Variants in TJP2 observed in about 807,000 individuals in gnomAD.
TJP2 encodes Friedreich ataxia region gene X104 (tight junction protein ZO-2).
TJP2 carries 91 observed loss-of-function variants against 133.1 expected under a neutral mutation model. The ratio of observed to expected loss-of-function variants is 0.68; its 90% CI spans 0.58 to 0.81. The LOEUF is 0.81. Among genes scored for constraint, TJP2 ranks in the 40% least tolerant of loss-of-function variants. The probability of loss-of-function intolerance (pLI) is 0.00; values close to 1 mark genes in which losing one functional copy is unlikely to be tolerated. For missense variants in TJP2, 1,541 were observed against 1,565.6 expected, an observed-to-expected ratio of 0.98 and a Z score of 0.26; for synonymous variants, 592 against 583.4, an observed-to-expected ratio of 1.01 and a Z score of -0.21.
In TJP2 at chr9:69,125,891, T is replaced by C. The variant is rs944738517; in HGVS notation, c.-131+4166T>C. Among the ~76,000 whole-genome samples the C allele has an allele frequency of 2.6e-5, 2 of 77,398 alleles. 1 individual carries two copies. The highest frequency in any genetic ancestry group is 7.9e-5 in the African/African-American group (2 of 25,300). The allele number at this position is 77,398 out of a possible 152,430, so 50.8% of individuals were successfully genotyped here. A position where few individuals can be genotyped will look rare whatever the true frequency, so the allele number is the denominator to read the frequency against. ...CTGGTCTCCATAGGAGATATCAAGG[T>C]ACTGGACTAGTATTTGATTTAGCAT... On this transcript the variant is annotated intron_variant, in intron 1 of 5. Coordinates refer to the TJP2 transcript ENST00000423935.
intron 1 of TJP2, among the ~76,000 whole-genome samples, chr9:69,192,792 T>G (rs1265574151): frequency 2.0e-5 from 3 of 152,104 alleles, no homozygotes; most frequent in Non-Finnish European, 1.5e-5. Context: ...TATTCATTCC[T>G]CACAGTGACA....
chr9:69,177,078 G>T (rs1013909953), intron 1 of TJP2, among the ~76,000 whole-genome samples: 1 of 152,116 alleles, frequency 6.6e-6, no homozygotes, highest in East Asian at 1.9e-4. Flanking sequence ...TCTCTAGAAC[G>T]AATCCCATTA....
chr9:69,239,371 T>A (rs1432192484), intron 16 of TJP2, among the ~76,000 whole-genome samples: 1 of 152,166 alleles, frequency 6.6e-6, no homozygotes, highest in East Asian at 1.9e-4. Flanking sequence ...CCAGTCACTG[T>A]TACTGTTCTC....
chr9:69,151,253 G>A (rs931582040), intron 1 of TJP2, among the ~76,000 whole-genome samples: 3 of 152,088 alleles, frequency 2.0e-5, no homozygotes, highest in South Asian at 2.1e-4. Context: ...AAGTCGAGGT[G>A]GGTGGATCAC....
Position 69,248,987 on chromosome 9 carries a change from A to T in TJP2, c.2881-388A>T, listed in dbSNP as rs1489237380. On this transcript the variant is annotated intron_variant, in intron 19 of 22. Transcript: ENST00000377245. ...AGAACTACCAAAAAAAAAAAAAAAA[A>T]AAAGTTCAACAACAACAAACTGAAG... The T allele has an allele frequency of 3.0e-6, 3 of 993,204 alleles. No homozygotes were observed. The African/African-American group carries it at 5.2e-5, about 17-fold the overall frequency. The allele number at this position is 993,204 out of a possible 1,614,324, so 61.5% of individuals were successfully genotyped here. A position where few individuals can be genotyped will look rare whatever the true frequency, so the allele number is the denominator to read the frequency against.
At chr9:69,191,456 A>G (rs1826198020) in intron 1 of TJP2, among the ~76,000 whole-genome samples, 1 of 152,226 alleles carries the variant, frequency 6.6e-6, no homozygotes, top group Admixed American at 6.5e-5. Flanking sequence ...GAGTAACAAT[A>G]AAGTGCTGGT....
intron 1 of TJP2, chr9:69,204,852 A>G: frequency 8.9e-7 from 1 of 1,124,366 alleles, no homozygotes; most frequent in Non-Finnish European, 1.1e-6. Context: ...TAGATGCTGA[A>G]TCATTTTATG....
At chr9:69,138,176 G>C (rs73447199) in intron 1 of TJP2, among the ~76,000 whole-genome samples, 113 of 152,216 alleles carry the variant, frequency 7.4e-4, no homozygotes, top group African/African-American at 2.6e-3. Flanking sequence ...TCCATACCCA[G>C]ACCCTCCATG....
intron 1 of TJP2, among the ~76,000 whole-genome samples, chr9:69,177,336 A>G (rs1188118447): frequency 2.0e-5 from 3 of 152,194 alleles, no homozygotes; most frequent in Admixed American, 6.5e-5. Context: ...CCTAAATCCA[A>G]GGGTTAGGGT....
intron 2 of TJP2, among the ~76,000 whole-genome samples, chr9:69,166,675 A>T (rs1824374393): frequency 6.7e-6 from 1 of 148,862 alleles, no homozygotes. Context: ...GGGTTTCACC[A>T]TGTTGGCCAG....
At chr9:69,238,986 G>C (rs1378018433) in intron 16 of TJP2, among the ~76,000 whole-genome samples, 197 bp downstream of exon 16, 1 of 151,916 alleles carries the variant, frequency 6.6e-6, no homozygotes, top group African/African-American at 2.4e-5. Flanking sequence ...TCAGGAGTTC[G>C]AGACCAGCCT....
In TJP2 at chr9:69,249,500, A is replaced by C; in HGVS notation, c.2991+15A>C. On this transcript the variant is annotated intron_variant, in intron 20 of 22. Coordinates refer to ENST00000377245, the MANE Select transcript of TJP2 (RefSeq NM_004817.4). ...AGCCGCCCAAGGTACGTGGCTGGGAAGCCCAGGATGGGAAGGAAGAGGAAG... is the reference window on the plus strand; with the variant it reads ...AGCCGCCCAAGGTACGTGGCTGGGACGCCCAGGATGGGAAGGAAGAGGAAG... The C allele has an allele frequency of 6.3e-7, 1 of 1,591,758 alleles. No homozygotes were observed. The highest frequency in any genetic ancestry group is 1.3e-5 in the African/African-American group (1 of 74,468).
At chr9:69,236,322 G>A in intron 13 of TJP2, 84 bp downstream of exon 13, 1 of 1,379,038 alleles carries the variant, frequency 7.3e-7, no homozygotes, top group Non-Finnish European at 1.0e-6. Flanking sequence ...CCCCGTAAAA[G>A]GAAACCCCAC....
chr9:69,239,891 T>G, intron 16 of TJP2, 46 bp from the exon 17 acceptor site: 2 of 1,417,530 alleles, frequency 1.4e-6, no homozygotes. Context: ...TGATGCTATA[T>G]TACTTTATAT....
intron 17 of TJP2, among the ~76,000 whole-genome samples, chr9:69,242,066 C>T (rs977675904): frequency 1.3e-5 from 2 of 152,258 alleles, no homozygotes; most frequent in African/African-American, 2.4e-5. Flanking sequence ...TGTAGGAAAT[C>T]GGGAAGGGAA....
chr9:69,135,104 C>T (rs1234412285), intron 1 of TJP2, among the ~76,000 whole-genome samples: 1 of 151,996 alleles, frequency 6.6e-6, no homozygotes, highest in Non-Finnish European at 1.5e-5. Context: ...GTCCTATCTC[C>T]AAATAGCATC....
At chr9:69,128,777 CG>C (rs1380727389) in intron 1 of TJP2, among the ~76,000 whole-genome samples, 2 of 152,170 alleles carry the variant, frequency 1.3e-5, no homozygotes, top group Non-Finnish European at 2.9e-5. Context: ...CCGCCCGCCT[CG>C]GCCTCCCAAA....
At chr9:69,171,219 T>C (rs1370314267), upstream of TJP2, among the ~76,000 whole-genome samples, 2 of 152,174 alleles carry the variant, frequency 1.3e-5, no homozygotes, top group African/African-American at 4.8e-5. Context: ...TCTCCCCATA[T>C]CTAGTCAGGC....
rs951677882 is a variant in TJP2 at position 69,227,926 on chromosome 9, A to G, written c.1319+53A>G. 1.2e-5 allele frequency: 20 copies of G among 1,613,472 alleles called. No homozygotes were observed. In the African/African-American group the frequency reaches 2.0e-4, roughly 16 times the overall value. ...CATGTCATTGTGAATGTACACACATATGTATTTATGAAACTGTTATCTCTT... is the reference window on the plus strand; with the variant it reads ...CATGTCATTGTGAATGTACACACATGTGTATTTATGAAACTGTTATCTCTT... On this transcript the variant is annotated intron_variant, in intron 8 of 22. Coordinates refer to ENST00000377245, the MANE Select transcript of TJP2 (RefSeq NM_004817.4).
Sources: allele counts gnomAD v4.1 joint callset (sites outside exome capture counted in the v4.1 genomes callset), GRCh38; gene constraint gnomAD v4.1.1; transcripts MANE v1.5; gene names NCBI Gene and HGNC (gene_info 2026-07-23, HGNC 2026-07-21).